The following RGPD8 variants were observed in gnomAD, a reference collection of about 807,000 sequenced individuals.
RGPD8 encodes the protein RANBP2 like and GRIP domain containing 8.
RGPD8 carries 15 observed loss-of-function variants against 89.1 expected under a neutral mutation model. That is an observed-to-expected ratio of 0.17 (90% CI 0.11 to 0.26). The LOEUF (loss-of-function observed/expected upper bound fraction) is 0.26. Ranked by LOEUF, RGPD8 falls within the 10% of genes least tolerant of loss-of-function variation. The probability of loss-of-function intolerance (pLI) is 1.00; values close to 1 mark genes in which losing one functional copy is unlikely to be tolerated. For synonymous variants in RGPD8, 62 were observed against 420.9 expected, an observed-to-expected ratio of 0.15 and a Z score of 10.44; for missense variants, 178 against 1,179.6, an observed-to-expected ratio of 0.15 and a Z score of 12.44.
At chr2:112,431,668 C>A (rs1207039190) in intron 1 of RGPD8, among the ~76,000 whole-genome samples, 36 of 150,736 alleles carry the variant, frequency 2.4e-4, no homozygotes, top group African/African-American at 7.6e-4. Flanking sequence ...CTGGAGTCTC[C>A]CTCTGTCGCC....
chr2:112,379,535 C>T (rs1678209388), intron 21 of RGPD8, among the ~76,000 whole-genome samples: 1 of 148,408 alleles, frequency 6.7e-6, no homozygotes, highest in Admixed American at 6.8e-5. Flanking sequence ...GCGGAGATTG[C>T]AGTGAGCTGA....
chr2:112,425,646 G>A (rs1247373460), intron 1 of RGPD8, among the ~76,000 whole-genome samples: 10 of 151,396 alleles, frequency 6.6e-5, no homozygotes, highest in Non-Finnish European at 1.0e-4. Context: ...TGTAATCCCC[G>A]CTGCTTGGGA....
intron 1 of RGPD8, among the ~76,000 whole-genome samples, chr2:112,430,182 C>T (rs1327892737): frequency 1.3e-5 from 2 of 152,158 alleles, no homozygotes; most frequent in Non-Finnish European, 2.9e-5. Flanking sequence ...CGCATCATCA[C>T]ACACCAAAAC....
chr2:112,422,157 T>C (rs1306920255), intron 3 of RGPD8, 45 bp from the exon 4 acceptor site: 25 of 88,270 alleles, frequency 2.8e-4, no homozygotes, highest in Middle Eastern at 7.6e-3. Flanking sequence ...AAATTGTATG[T>C]ATGTATGTAG....
chr2:112,429,433 AAAAAG>A (rs1558992360), intron 1 of RGPD8, among the ~76,000 whole-genome samples: 2 of 148,856 alleles, frequency 1.3e-5, no homozygotes, highest in African/African-American at 4.9e-5. Flanking sequence ...AAAAAAAAAA[AAAAAG>A]AAAAGAAAAG....
intron 6 of RGPD8, among the ~76,000 whole-genome samples, chr2:112,415,272 C>G (rs1172629114): frequency 4.6e-5 from 7 of 152,392 alleles, no homozygotes; most frequent in Non-Finnish European, 7.4e-5. Context: ...GTAGTCCCAG[C>G]TACTCAGGAG....
intron 6 of RGPD8, among the ~76,000 whole-genome samples, chr2:112,415,909 C>T (rs1485068507): frequency 2.0e-5 from 3 of 151,430 alleles, no homozygotes; most frequent in African/African-American, 7.3e-5. Flanking sequence ...TTGAGACCAT[C>T]CTGAACCCCG....
In RGPD8 at chr2:112,377,314, G is replaced by A. The variant is rs1477062926; in HGVS notation, c.5263+739C>T. ...TTTTTTTTTTTTGAGATGGAGTCTC[G>A]CTCTGCCGTCAGGCTGGAGTACAGT... On this transcript the variant is annotated intron_variant, in intron 22 of 22. Coordinates refer to ENST00000302558, the MANE Select transcript of RGPD8 (RefSeq NM_001164463.1). 5.5e-5 allele frequency among the ~76,000 whole-genome samples: 5 copies of A among 91,662 alleles called. 2 individuals carry two copies. The highest frequency in any genetic ancestry group is 1.1e-4 in the Non-Finnish European group (5 of 44,546). The allele number at this position is 91,662 out of a possible 152,430, so 60.1% of individuals were successfully genotyped here.
chr2:112,382,737 TAA>T (rs1255027145), intron 20 of RGPD8, among the ~76,000 whole-genome samples: 6 of 141,826 alleles, frequency 4.2e-5, no homozygotes, highest in African/African-American at 1.0e-4. Context: ...TATCAAATGA[TAA>T]GAGTAGAGGA....
chr2:112,390,344 G>A (rs1223939162), intron 19 of RGPD8, 97 bp from the exon 20 acceptor site: 1 of 826,368 alleles, frequency 1.2e-6, no homozygotes, highest in African/African-American at 1.9e-5. Flanking sequence ...ATCAAATGAT[G>A]TTAACAATAA....
chr2:112,433,471 T>G lies in RGPD8; in HGVS notation c.-18A>C. The G allele has an allele frequency of 6.2e-7, 1 of 1,605,030 alleles. No homozygotes were observed. ...CGCCTCATCGCGCCGCCAACCTGGCTCCCGAGACGCGTGCGAGCACCGCTC... is the reference window on the plus strand; with the variant it reads ...CGCCTCATCGCGCCGCCAACCTGGCGCCCGAGACGCGTGCGAGCACCGCTC... On this transcript the variant is annotated 5_prime_UTR_variant, in exon 1 of 23. Transcript: ENST00000302558.
At chr2:112,387,362 T>C (rs1425858926) in intron 20 of RGPD8, among the ~76,000 whole-genome samples, 9 of 133,500 alleles carry the variant, frequency 6.7e-5, no homozygotes, top group African/African-American at 1.9e-4. Flanking sequence ...GTTTTTTGTT[T>C]TTTGTTTTTT....
At chr2:112,370,454 C>A (rs1399938809) in intron 22 of RGPD8, among the ~76,000 whole-genome samples, 3 of 112,974 alleles carry the variant, frequency 2.7e-5, no homozygotes, top group African/African-American at 6.7e-5. Flanking sequence ...TTCAATGCAG[C>A]CTTGATCTCC....
intron 1 of RGPD8, among the ~76,000 whole-genome samples, chr2:112,430,676 A>T (rs1294739041): frequency 4.6e-5 from 7 of 152,020 alleles, no homozygotes; most frequent in Admixed American, 4.6e-4. Context: ...TTTAAAAAAA[A>T]AATCAGGCTG....
chr2:112,410,647 G>A (rs1428044794), intron 7 of RGPD8, among the ~76,000 whole-genome samples: 1 of 150,896 alleles, frequency 6.6e-6, no homozygotes, highest in African/African-American at 2.5e-5. Flanking sequence ...GCATGGTGGT[G>A]TGTGCCTGTA....
At position 112,422,540 on chromosome 2, in the gene RGPD8, T is replaced by A; in HGVS notation, c.252+8A>T. ...ATGCAAAGGCTATATTTGAATCCTA[T>A]AACTTACCCTGTAACATTCAACGGC... On this transcript the variant is annotated splice_region_variant and intron_variant, in intron 3 of 22. Transcript: ENST00000302558. 1.2e-6 allele frequency: 2 copies of A among 1,610,442 alleles called. No individual in the cohort carries two copies. Among genetic ancestry groups the A allele is most frequent in the South Asian group, 1.1e-5 (1 of 90,816 alleles).
intron 7 of RGPD8, among the ~76,000 whole-genome samples, chr2:112,411,070 G>T (rs1679167295): frequency 6.6e-6 from 1 of 152,234 alleles, no homozygotes; most frequent in South Asian, 2.1e-4. Flanking sequence ...GGCAACAAGA[G>T]CAAAACTCCG....
chr2:112,422,583 C>G lies in RGPD8; in HGVS notation c.217G>C (p.Glu73Gln), dbSNP rs1325632224. The G allele has an allele frequency of 1.2e-6, 2 of 1,609,872 alleles. No individual in the cohort carries two copies. Among genetic ancestry groups the G allele is most frequent in the African/African-American group, 2.7e-5 (2 of 74,184 alleles). The stretch of plus-strand genomic sequence containing the variant: ...TCAACGGCTTTCTCTGTGTTTTCTT[C>G]CAATTCATAAAGAAGACCCAGAAAT... ...HRFLGLLYEL[E>Q]ENTEKAVECY... The change falls in exon 3 of 23, where the codon GAA (glutamate) becomes CAA (glutamine). Residue 73 changes from glutamate to glutamine, a missense_variant. Coordinates refer to ENST00000302558, the MANE Select transcript of RGPD8 (RefSeq NM_001164463.1).
intron 1 of RGPD8, chr2:112,432,562 C>G: frequency 2.0e-6 from 2 of 985,402 alleles, no homozygotes; most frequent in Non-Finnish European, 2.4e-6. Context: ...AAAGCTCACC[C>G]GGAGCTGCGT....
Sources: allele counts gnomAD v4.1 joint callset (sites outside exome capture counted in the v4.1 genomes callset), GRCh38; gene constraint gnomAD v4.1.1; transcripts MANE v1.5; gene names NCBI Gene and HGNC (gene_info 2026-07-23, HGNC 2026-07-21).